Variants in NALF1 observed in about 807,000 individuals in gnomAD.
NALF1 encodes NALCN channel auxiliary factor 1.
A neutral mutation model predicts 48.4 loss-of-function variants in NALF1; 3 were observed. That is an observed-to-expected ratio of 0.06 (90% CI 0.03 to 0.16). NALF1 has a LOEUF of 0.16. Ranked by LOEUF, NALF1 falls within the 10% of genes least tolerant of loss-of-function variation. The pLI is 1.00. For missense variants in NALF1, 526 were observed against 571.5 expected, an observed-to-expected ratio of 0.92 and a Z score of 0.81; for synonymous variants, 262 against 245.7, an observed-to-expected ratio of 1.07 and a Z score of -0.62.
chr13:107,185,624 TTTTG>T (rs746967568), intron 2 of NALF1, among the ~76,000 whole-genome samples: 5 of 152,168 alleles, frequency 3.3e-5, no homozygotes, highest in Non-Finnish European at 5.9e-5. Context: ...CCAATAACTC[TTTTG>T]TTTGACTAGC....
intron 1 of NALF1, among the ~76,000 whole-genome samples, chr13:107,824,480 T>C (rs1312026431): frequency 6.6e-6 from 1 of 152,210 alleles, no homozygotes; most frequent in Admixed American, 6.5e-5. Context: ...AATGGAATTC[T>C]TTCTTCATCA....
At chr13:107,851,175 A>AT (rs1880305104) in intron 1 of NALF1, among the ~76,000 whole-genome samples, 1 of 152,118 alleles carries the variant, frequency 6.6e-6, no homozygotes, top group African/African-American at 2.4e-5. Flanking sequence ...TGTCGTCTGA[A>AT]TTTTTTACCG....
At chr13:107,710,859 G>A (rs1875566781) in intron 1 of NALF1, among the ~76,000 whole-genome samples, 1 of 148,850 alleles carries the variant, frequency 6.7e-6, no homozygotes, top group East Asian at 2.0e-4. Context: ...ACACAGATAT[G>A]TGTATATGTA....
rs540791034 is a variant in NALF1, at chr13:107,543,337, C to CA, written c.915+322344dup. On this transcript the variant is annotated intron_variant, in intron 1 of 2. Transcript: ENST00000375915. ...AAATTACAACAACCATAAAACAAAA[C>CA]AAAAAAACCACATGTCATGAATTCA... Among the ~76,000 whole-genome samples the CA allele has an allele frequency of 2.7e-3, 409 of 151,912 alleles. 2 individuals are homozygous for CA. The highest frequency in any genetic ancestry group is 9.5e-3 in the African/African-American group (393 of 41,478).
chr13:107,811,843 A>G (rs1032149503), intron 1 of NALF1, among the ~76,000 whole-genome samples: 4 of 152,182 alleles, frequency 2.6e-5, no homozygotes, highest in Admixed American at 1.3e-4. Flanking sequence ...TCATGGCCTA[A>G]TAAGTTCCTG....
Position 107,166,157 on chromosome 13 carries a change from C to CGCCTG in NALF1, c.*4335_*4339dup, listed in dbSNP as rs1566438072. On this transcript the variant is annotated 3_prime_UTR_variant, in exon 3 of 3. Transcript: ENST00000375915. ...ATACCTGGCTGGGTGTGGTATCTCACGCCTGTAATCCCAACACTTTGGGAG... is the reference window on the plus strand; with the variant it reads ...ATACCTGGCTGGGTGTGGTATCTCACGCCTGGCCTGTAATCCCAACACTTTGGGAG... The CGCCTG allele has an allele frequency of 1.3e-5, 2 of 152,162 alleles. No homozygotes were observed. Among genetic ancestry groups the CGCCTG allele is most frequent in the African/African-American group, 4.8e-5 (2 of 41,432 alleles). 9.4% of individuals were successfully genotyped at this position (152,162 alleles called of 1,614,324 possible).
chr13:107,207,193 C>T (rs1230157276), intron 2 of NALF1, among the ~76,000 whole-genome samples: 1 of 152,060 alleles, frequency 6.6e-6, no homozygotes, highest in East Asian at 1.9e-4. Flanking sequence ...GGCATACCAT[C>T]TCCCTTCCCA....
At chr13:107,398,198 T>C (rs1283056441) in intron 1 of NALF1, among the ~76,000 whole-genome samples, 1 of 152,162 alleles carries the variant, frequency 6.6e-6, no homozygotes, top group African/African-American at 2.4e-5. Context: ...AAAACGATCA[T>C]TGCTTACGTA....
intron 1 of NALF1, among the ~76,000 whole-genome samples, chr13:107,283,031 T>G (rs569542246): frequency 6.6e-6 from 1 of 152,326 alleles, no homozygotes; most frequent in South Asian, 2.1e-4. Flanking sequence ...CTTCCAATTT[T>G]AGACGGAAAC....
intron 1 of NALF1, among the ~76,000 whole-genome samples, chr13:107,350,641 C>T (rs1383530596): frequency 6.6e-6 from 1 of 152,208 alleles, no homozygotes; most frequent in Non-Finnish European, 1.5e-5. Context: ...CATATGTCTT[C>T]ATTGAGGTAG....
At chr13:107,284,345 T>C (rs1881449091) in intron 1 of NALF1, among the ~76,000 whole-genome samples, 1 of 152,050 alleles carries the variant, frequency 6.6e-6, no homozygotes, top group Admixed American at 6.6e-5. Flanking sequence ...AAAGCATGAC[T>C]CATTCAAAGG....
intron 1 of NALF1, among the ~76,000 whole-genome samples, chr13:107,493,337 T>C (rs1279153501): frequency 6.6e-6 from 1 of 152,112 alleles, no homozygotes; most frequent in Non-Finnish European, 1.5e-5. Context: ...TTCCTGTACA[T>C]CGTGTGAACT....
chr13:107,302,945 G>A (rs1314069792), intron 1 of NALF1, among the ~76,000 whole-genome samples: 2 of 152,288 alleles, frequency 1.3e-5, no homozygotes, highest in East Asian at 1.9e-4. Context: ...CTGTGTGCCC[G>A]ATTTGGCTTT....
At chr13:107,412,698 C>T (rs1450439516) in intron 1 of NALF1, among the ~76,000 whole-genome samples, 1 of 152,164 alleles carries the variant, frequency 6.6e-6, no homozygotes, top group Non-Finnish European at 1.5e-5. Context: ...ATTGTTCAGT[C>T]AGTTGTTGCC....
chr13:107,215,509 T>A (rs1879853949), intron 1 of NALF1, among the ~76,000 whole-genome samples: 1 of 151,770 alleles, frequency 6.6e-6, no homozygotes, highest in Non-Finnish European at 1.5e-5. Flanking sequence ...AATGAAGATT[T>A]TTTTTTTTTA....
chr13:107,483,859 T>A (rs925583623), intron 1 of NALF1, among the ~76,000 whole-genome samples: 3 of 151,946 alleles, frequency 2.0e-5, no homozygotes, highest in Non-Finnish European at 4.4e-5. Flanking sequence ...AAATGCTACA[T>A]AAATATAATA....
chr13:107,604,830 A>C (rs1879021867), intron 1 of NALF1, among the ~76,000 whole-genome samples: 1 of 152,154 alleles, frequency 6.6e-6, no homozygotes, highest in Admixed American at 6.5e-5. Flanking sequence ...GTAGGAACAG[A>C]CATCAGCAAG....
intron 1 of NALF1, among the ~76,000 whole-genome samples, chr13:107,807,932 C>T (rs1878853878): frequency 6.6e-6 from 1 of 151,926 alleles, no homozygotes; most frequent in Non-Finnish European, 1.5e-5. Context: ...AAGTAACAGA[C>T]AGAGAGGAAG....
At chr13:107,435,802 G>C (rs1566341366) in intron 1 of NALF1, among the ~76,000 whole-genome samples, 1 of 151,774 alleles carries the variant, frequency 6.6e-6, no homozygotes, top group African/African-American at 2.4e-5. Context: ...GCGGGGGAGG[G>C]GGGGAAGATA....
Sources: allele counts gnomAD v4.1 joint callset (sites outside exome capture counted in the v4.1 genomes callset), GRCh38; gene constraint gnomAD v4.1.1; transcripts MANE v1.5; gene names NCBI Gene and HGNC (gene_info 2026-07-23, HGNC 2026-07-21).